Variants in PREB observed in about 807,000 individuals in gnomAD.
PREB encodes the protein guanine nucleotide-exchange factor SEC12.
Under a neutral mutation model 46.7 loss-of-function variants are expected in PREB, and 29 were observed. That is an observed-to-expected ratio of 0.62 (90% CI 0.46 to 0.85). PREB has a LOEUF of 0.85. Ranked by LOEUF, PREB falls within the 40% of genes least tolerant of loss-of-function variation. The pLI, the probability that PREB is intolerant of heterozygous loss-of-function variation, is 0.00. For synonymous variants in PREB, 224 were observed against 220.1 expected, an observed-to-expected ratio of 1.02 and a Z score of -0.16; for missense variants, 494 against 528.4, an observed-to-expected ratio of 0.93 and a Z score of 0.64.
In PREB at chr2:27,133,560, T is replaced by A; in HGVS notation, c.297A>T (p.Gln99His). The A allele has an allele frequency of 6.2e-7, 1 of 1,613,924 alleles. No individual in the cohort carries two copies. The highest frequency in any genetic ancestry group is 8.5e-7 in the Non-Finnish European group (1 of 1,179,920). ...HCQLLRFQAH[Q>H]QQGNKAEKAG... ...CCTTCTCTGCCTTGTTGCCCTGCTG[T>A]TGATGTGCCTGGAAGCGCAGGAGCT... Residue 99 changes from glutamine (Q) to histidine (H), a missense_variant, in exon 2 of 9, where the codon CAA becomes CAT. Transcript: ENST00000260643.
In PREB at chr2:27,132,588, C is replaced by T. The variant is rs772642492; in HGVS notation, c.752+15G>A. On this transcript the variant is annotated intron_variant, in intron 5 of 8. Coordinates refer to ENST00000260643, the MANE Select transcript of PREB (RefSeq NM_013388.6). The surrounding 1 kb of genome is among the most constrained non-coding windows in gnomAD (Gnocchi z 4.0). ...GGGCTATGCCTCTTTCAGCCACCAC[C>T]CAAAGTCTTCACACCTGCAGGCCTG... is the stretch of plus-strand genomic sequence containing the variant. 2.4e-5 allele frequency: 39 copies of T among 1,613,732 alleles called. No homozygotes were observed. The highest frequency in any genetic ancestry group is 3.4e-4 in the Middle Eastern group (2 of 5,876).
At position 27,133,719 on chromosome 2, in the gene PREB, G is replaced by C; in HGVS notation, c.138C>G (p.His46Gln). ...AAKTGIKNGV[H>Q]FLQLELINGR... is the part of the protein sequence containing the mutation. ...CATTAATCAGCTCTAGCTGCAGAAA[G>C]TGCTGTGGGAGGGGGAACCCGGATG... Residue 46 changes from histidine (H) to glutamine (Q), a missense_variant and splice_region_variant, in exon 2 of 9, where the codon CAC (histidine) becomes CAG (glutamine). Coordinates refer to ENST00000260643, the MANE Select transcript of PREB (RefSeq NM_013388.6). The C allele has an allele frequency of 2.5e-6, 4 of 1,613,782 alleles. No homozygotes were observed. The highest frequency in any genetic ancestry group is 3.4e-6 in the Non-Finnish European group (4 of 1,179,834).
chr2:27,132,145 T>C lies in PREB; in HGVS notation c.927-63A>G. On this transcript the variant is annotated intron_variant, in intron 6 of 8. Transcript: ENST00000260643. This position sits in a 1 kb window ranked among gnomAD's most constrained non-coding sequence, Gnocchi z 4.0. ...TTGTGCAGCAACCCTCATACCCCAATACCGGTCCGTAGGGACCCAGGCAGG... is the reference window on the plus strand; with the variant it reads ...TTGTGCAGCAACCCTCATACCCCAACACCGGTCCGTAGGGACCCAGGCAGG... 6.2e-7 allele frequency: 1 copy of C among 1,606,772 alleles called. No homozygotes were observed. Among genetic ancestry groups the C allele is most frequent in the Non-Finnish European group, 8.5e-7 (1 of 1,173,428 alleles).
Position 27,131,214 on chromosome 2 carries a change from C to T in PREB, c.*200G>A, listed in dbSNP as rs1672247422. ...CTGTTCTGGATGGATCCACAGATGA[C>T]GAAGGCAAGGTTCCTGGGACCTGGA... On this transcript the variant is annotated 3_prime_UTR_variant, in exon 9 of 9. Transcript: ENST00000260643. The T allele has an allele frequency of 6.6e-6, 4 of 607,406 alleles. No individual in the cohort carries two copies. The highest frequency in any genetic ancestry group is 3.0e-5 in the Admixed American group (1 of 33,866). The allele number at this position is 607,406 out of a possible 1,614,324, so 37.6% of individuals were successfully genotyped here.
In PREB at chr2:27,131,764, C is replaced by A. The variant is rs1558478473; in HGVS notation, c.1067G>T (p.Gly356Val). ...VTDVAFLPEK[G>V]RGPELLGSHE... ...GGACCCAAGGAGCTCTGGACCACGA[C>A]CCTTCTCAGGTAGAAAGGCCACATC... is the stretch of plus-strand genomic sequence containing the variant. Residue 356 changes from glycine (G) to valine (V), a missense_variant, in exon 8 of 9, where the codon GGT becomes GTT. Transcript: ENST00000260643. 1 of 1,614,136 alleles carries A rather than the reference C, an allele frequency of 6.2e-7. No individual in the cohort carries two copies. The highest frequency in any genetic ancestry group is 2.2e-5 in the East Asian group (1 of 44,880).
In PREB at chr2:27,133,649, G is replaced by C; in HGVS notation, c.208C>G (p.Arg70Gly). The change falls in exon 2 of 9, where the codon CGG becomes GGG. Residue 70 changes from arginine to glycine, a missense_variant. Coordinates refer to ENST00000260643, the MANE Select transcript of PREB (RefSeq NM_013388.6). The stretch of plus-strand genomic sequence containing the variant: ...GCCAGTGCCAAGTTCATGGTGGCCC[G>C]TGTCTCTGTGTCATGGGAGTGCAGC... The part of the protein sequence containing the change: ...SLLHSHDTET[R>G]ATMNLALAGD... 6.2e-7 allele frequency: 1 copy of C among 1,614,228 alleles called. No homozygotes were observed. The highest frequency in any genetic ancestry group is 8.5e-7 in the Non-Finnish European group (1 of 1,180,026).
intron 3 of PREB, 91 bp from the exon 4 acceptor site, chr2:27,133,014 T>G: frequency 6.3e-7 from 1 of 1,579,110 alleles, no homozygotes; most frequent in South Asian, 1.1e-5. Context: ...GGCCCCTCAA[T>G]GCAAGCTTCA....
In PREB at chr2:27,132,988, C is replaced by T. The variant is rs1278522090; in HGVS notation, c.547-65G>A. On this transcript the variant is annotated intron_variant, in intron 3 of 8. Transcript: ENST00000260643. The surrounding 1 kb of genome is among the most constrained non-coding windows in gnomAD (Gnocchi z 4.0). ...GCAAGTACACTGTGACTGATGCCCA[C>T]GCCACCCCTTCTAATGGCCCCTCAA... The T allele has an allele frequency of 5.8e-5, 92 of 1,589,100 alleles. No homozygotes were observed. Among genetic ancestry groups the T allele is most frequent in the East Asian group, 1.3e-4 (6 of 44,682 alleles).
intron 2 of PREB, 21 bp from the exon 3 acceptor site, chr2:27,133,358 C>T (rs767712058): frequency 6.2e-7 from 1 of 1,613,472 alleles, no homozygotes. Context: ...AACACTTGGC[C>T]AGGTTCCAGG....
chr2:27,132,011 T>C lies in PREB; in HGVS notation c.998A>G (p.Gln333Arg), dbSNP rs1672297532. 6.2e-7 allele frequency: 1 copy of C among 1,613,612 alleles called. No individual in the cohort carries two copies. Among genetic ancestry groups the C allele is most frequent in the Non-Finnish European group, 8.5e-7 (1 of 1,179,710 alleles). Residue 333 changes from glutamine to arginine, a missense_variant and splice_region_variant, in exon 7 of 9, where the codon CAG becomes CGG. By Grantham distance (43) the Gln-to-Arg change is conservative. Coordinates refer to ENST00000260643, the MANE Select transcript of PREB (RefSeq NM_013388.6). The surrounding 1 kb of genome is among the most constrained non-coding windows in gnomAD (Gnocchi z 4.0). The part of the protein sequence containing the change: ...SVAIYIAFSL[Q>R]CLYYVREAHG... ...GCCATGCCAACCTCCACCCATTACC[T>C]GGAGAGAGAAAGCTATGTAGATGGC...
Position 27,133,169 on chromosome 2 carries a change from T to A in PREB, c.494A>T (p.Asp165Val). The A allele has an allele frequency of 6.2e-7, 1 of 1,614,236 alleles. No homozygotes were observed. Among genetic ancestry groups the A allele is most frequent in the Non-Finnish European group, 8.5e-7 (1 of 1,180,042 alleles). ...PLQKVVCFNHDNTLLATGGTD... is the reference protein window; with the variant it reads ...PLQKVVCFNHVNTLLATGGTD... ...TCCTCCAGTGGCAAGCAGGGTATTA[T>A]CGTGGTTGAAGCACACAACTTTCTG... Residue 165 changes from aspartate to valine, a missense_variant, in exon 3 of 9, where the codon GAT (aspartate) becomes GTT (valine). Coordinates refer to ENST00000260643, the MANE Select transcript of PREB (RefSeq NM_013388.6).
At position 27,133,572 on chromosome 2, in the gene PREB, G is replaced by A; in HGVS notation, c.285C>T (p.Phe95=). The change falls in exon 2 of 9, where the codon TTC becomes TTT. Residue 95 remains phenylalanine, a synonymous_variant. Coordinates refer to ENST00000260643, the MANE Select transcript of PREB (RefSeq NM_013388.6). The part of the protein sequence containing the change: ...GQDAHCQLLR[F]QAHQQQGNKA... The stretch of plus-strand genomic sequence containing the variant: ...TGTTGCCCTGCTGTTGATGTGCCTG[G>A]AAGCGCAGGAGCTGACAGTGGGCAT... The A allele has an allele frequency of 6.2e-7, 1 of 1,614,126 alleles. No homozygotes were observed. The highest frequency in any genetic ancestry group is 8.5e-7 in the Non-Finnish European group (1 of 1,179,972).
At position 27,132,863 on chromosome 2, in the gene PREB, C is replaced by T; in HGVS notation, c.607G>A (p.Ala203Thr). The T allele has an allele frequency of 6.2e-7, 1 of 1,614,130 alleles. No homozygotes were observed. The highest frequency in any genetic ancestry group is 1.7e-5 in the Admixed American group (1 of 60,000). ...CTCACCTTGCCATCAGGCCCTAAAG[C>T]CAGGTCTTCAATCTCCCCTTCGTGG... Reference protein sequence around the residue: ...KAHEGEIEDLALGPDGKLVTV... With the variant: ...KAHEGEIEDLTLGPDGKLVTV... The change falls in exon 4 of 9, where the codon GCT becomes ACT. Residue 203 changes from alanine (A) to threonine (T), a missense_variant. Physicochemically the swap from Ala to Thr is moderately conservative, Grantham distance 58. Coordinates refer to ENST00000260643, the MANE Select transcript of PREB (RefSeq NM_013388.6). This position sits in a 1 kb window ranked among gnomAD's most constrained non-coding sequence, Gnocchi z 4.0.
At position 27,134,391 on chromosome 2, in the gene PREB, G is replaced by A. The variant is rs1672414060; in HGVS notation, c.31C>T (p.Arg11Trp). The A allele has an allele frequency of 3.7e-6, 6 of 1,606,100 alleles. No individual in the cohort carries two copies. In the East Asian group the frequency reaches 9.0e-5, roughly 24 times the overall value. ...AGCGCGTACAACGGGAACGGAGCCCGGTACAGCTCTGGCGCCCGGCGCCGG... is the reference window on the plus strand; with the variant it reads ...AGCGCGTACAACGGGAACGGAGCCCAGTACAGCTCTGGCGCCCGGCGCCGG... MGRRRAPELY[R>W]APFPLYALQV... The change falls in exon 1 of 9, where the codon CGG becomes TGG. Residue 11 changes from arginine (R) to tryptophan (W), a missense_variant. Coordinates refer to ENST00000260643, the MANE Select transcript of PREB (RefSeq NM_013388.6).
rs1240246613 is a variant in PREB at position 27,131,099 on chromosome 2, CAT to C, written c.*313_*314del. On this transcript the variant is annotated 3_prime_UTR_variant, in exon 9 of 9. Coordinates refer to ENST00000260643, the MANE Select transcript of PREB (RefSeq NM_013388.6). ...GCCTCCAGGCTCTTGGGCATCTTCA[CAT>C]GTTTCTAGATAAGGACAAGCTCAAC... 2.2e-5 allele frequency: 11 copies of C among 508,136 alleles called. No individual in the cohort carries two copies. The highest frequency in any genetic ancestry group is 1.9e-4 in the South Asian group (8 of 42,778). 31.5% of individuals were successfully genotyped at this position (508,136 alleles called of 1,614,324 possible).
intron 1 of PREB, chr2:27,134,043 C>T: frequency 1.6e-6 from 1 of 632,796 alleles, no homozygotes; most frequent in Non-Finnish European, 2.7e-6. Flanking sequence ...TGCTCTGAGG[C>T]GGAGCTGAAG....
intron 2 of PREB, 40 bp from the exon 3 acceptor site, chr2:27,133,377 G>T: frequency 6.2e-7 from 1 of 1,610,754 alleles, no homozygotes; most frequent in Non-Finnish European, 8.5e-7. Flanking sequence ...GGCTTCTACA[G>T]TAAGGAGTAC....
intron 8 of PREB, 28 bp from the exon 9 acceptor site, chr2:27,131,536 C>A (rs764808452): frequency 1.9e-6 from 3 of 1,598,238 alleles, no homozygotes; most frequent in East Asian, 2.3e-5. Flanking sequence ...AGGAGGTCAG[C>A]GGGCAAAAGG....
In PREB at chr2:27,134,288, A is replaced by T. The variant is rs767187928; in HGVS notation, c.134T>A (p.Val45Glu). Residue 45 changes from valine (V) to glutamate (E), a missense_variant and splice_region_variant, in exon 1 of 9, where the codon GTG becomes GAG. Coordinates refer to ENST00000260643, the MANE Select transcript of PREB (RefSeq NM_013388.6). ...GAAKTGIKNG[V>E]HFLQLELING... The stretch of plus-strand genomic sequence containing the variant: ...GCCCCAGTGGCCCTGCGCTCTCACC[A>T]CGCCATTCTTTATGCCTGTCTTGGC... The T allele has an allele frequency of 2.5e-6, 4 of 1,603,972 alleles. No individual in the cohort carries two copies. Among genetic ancestry groups the T allele is most frequent in the Non-Finnish European group, 3.4e-6 (4 of 1,176,456 alleles).
Sources: gnomAD v4.1 joint callset for allele counts on GRCh38, gnomAD v4.1.1 for gene constraint, Gnocchi (gnomAD v3.1) non-coding constraint, MANE v1.5 for transcripts, NCBI Gene and HGNC (gene_info 2026-07-23, HGNC 2026-07-21) for gene names.